The following PDSS2 variants were observed in gnomAD, a reference collection of about 807,000 sequenced individuals.
PDSS2 encodes all trans-polyprenyl-diphosphate synthase PDSS2.
Under a neutral mutation model 44.5 loss-of-function variants are expected in PDSS2, and 31 were observed. That is an observed-to-expected ratio of 0.70 (90% CI 0.52 to 0.94). PDSS2 has a LOEUF of 0.94. PDSS2 is among the 40% of genes least tolerant of loss of function. The pLI is 0.00. For synonymous variants in PDSS2, 157 were observed against 180.3 expected (o/e 0.87, Z 1.03); for missense variants, 452 against 482.2 (o/e 0.94, Z 0.59).
intron 7 of PDSS2, among the ~76,000 whole-genome samples, chr6:107,185,160 A>G (rs1772123776): frequency 6.6e-6 from 1 of 151,418 alleles, no homozygotes; most frequent in African/African-American, 2.4e-5. Flanking sequence ...GAAGAAGGAG[A>G]AGGAGAAGGA....
chr6:107,420,993 G>A (rs905004686), intron 1 of PDSS2, among the ~76,000 whole-genome samples: 5 of 152,034 alleles, frequency 3.3e-5, no homozygotes, highest in East Asian at 3.9e-4. Context: ...TCTAAACTCC[G>A]CAGTAAGGAA....
intron 2 of PDSS2, among the ~76,000 whole-genome samples, chr6:107,315,508 T>C (rs907101516): frequency 8.5e-5 from 13 of 152,212 alleles, no homozygotes; most frequent in Admixed American, 2.6e-4. Flanking sequence ...GTAGTGATTA[T>C]TCAAGGATCC....
At chr6:107,377,801 C>A (rs1562498739) in intron 1 of PDSS2, among the ~76,000 whole-genome samples, 1 of 151,896 alleles carries the variant, frequency 6.6e-6, no homozygotes, top group African/African-American at 2.4e-5. Context: ...AAACCAAACA[C>A]CGCATGTTCT....
intron 6 of PDSS2, among the ~76,000 whole-genome samples, chr6:107,207,896 C>CA (rs1773041395): frequency 6.6e-6 from 1 of 151,486 alleles, no homozygotes; most frequent in African/African-American, 2.4e-5. Context: ...AGGCATGAGC[C>CA]ACCATGTCCA....
intron 7 of PDSS2, among the ~76,000 whole-genome samples, chr6:107,177,634 T>C (rs1771839788): frequency 6.6e-6 from 1 of 152,240 alleles, no homozygotes; most frequent in South Asian, 2.1e-4. Context: ...TCAAAGTTAA[T>C]TTTTAATTTT....
rs143680679 is a variant in PDSS2 at position 107,212,177 on chromosome 6, C to T, written c.808G>A (p.Ala270Thr). The T allele has an allele frequency of 1.9e-6, 3 of 1,614,090 alleles. No individual in the cohort carries two copies. The highest frequency in any genetic ancestry group is 2.5e-6 in the Non-Finnish European group (3 of 1,179,950). The change falls in exon 5 of 8, where the codon GCA becomes ACA. Residue 270 changes from alanine to threonine, a missense_variant. By Grantham distance (58) the Ala-to-Thr change is moderately conservative. Coordinates refer to ENST00000369037, the MANE Select transcript of PDSS2 (RefSeq NM_020381.4). ...TTCTGAACCTCAGCATCATGCTTTG[C>T]TAATTCCATTGCAGCTTGGCAGCTC... Reference protein sequence around the residue: ...AKSCQAAMELAKHDAEVQNMA... With the variant: ...AKSCQAAMELTKHDAEVQNMA...
chr6:107,285,037 C>T (rs1396652842), intron 2 of PDSS2, among the ~76,000 whole-genome samples: 1 of 152,196 alleles, frequency 6.6e-6, no homozygotes, highest in Non-Finnish European at 1.5e-5. Flanking sequence ...AACTGCAAAG[C>T]TGGATTCAAG....
rs1436713297 is a variant in PDSS2, at chr6:107,439,010, T to A, written c.296+19980A>T. On this transcript the variant is annotated intron_variant, in intron 1 of 7. Transcript: ENST00000369037. ...AAGTGGAAGATGATCAAATTCCCTT[T>A]CCTTATGAAAATTATTGCATTTCTA... 3.9e-5 allele frequency among the ~76,000 whole-genome samples: 6 copies of A among 152,326 alleles called. No individual in the cohort carries two copies. The East Asian group carries it at 1.2e-3, about 29-fold the overall frequency.
chr6:107,335,825 G>T (rs1403815249), intron 1 of PDSS2, among the ~76,000 whole-genome samples: 1 of 151,920 alleles, frequency 6.6e-6, no homozygotes. Flanking sequence ...TACAAATATA[G>T]CTCTCGAATG....
At chr6:107,342,560 T>G (rs1156571113) in intron 1 of PDSS2, among the ~76,000 whole-genome samples, 2 of 152,104 alleles carry the variant, frequency 1.3e-5, no homozygotes, top group Non-Finnish European at 2.9e-5. Context: ...ATATTAATTA[T>G]ATATTTAATA....
At chr6:107,359,624 TA>T (rs371733995) in intron 1 of PDSS2, among the ~76,000 whole-genome samples, 18,744 of 126,878 alleles carry the variant, frequency 0.15, 1,302 homozygotes, top group East Asian at 0.26. Context: ...AGAATGTGTT[TA>T]AAAAAAAAAA....
intron 1 of PDSS2, among the ~76,000 whole-genome samples, chr6:107,335,874 GAATT>G (rs936268531): frequency 2.0e-5 from 3 of 152,050 alleles, no homozygotes; most frequent in African/African-American, 7.2e-5. Context: ...ATACTTGACT[GAATT>G]ATCAAGGCTT....
chr6:107,247,548 T>C (rs1007760412), intron 3 of PDSS2, among the ~76,000 whole-genome samples: 3 of 152,146 alleles, frequency 2.0e-5, no homozygotes, highest in African/African-American at 7.2e-5. Flanking sequence ...GGAAAAAGCT[T>C]TAGATTTCTT....
chr6:107,314,568 A>T (rs764401136), intron 2 of PDSS2, among the ~76,000 whole-genome samples: 3 of 152,184 alleles, frequency 2.0e-5, no homozygotes, highest in Admixed American at 6.5e-5. Context: ...TATCCAAAAT[A>T]ATCATGCTGC....
rs796967648 is a variant in PDSS2, at chr6:107,248,022, CA to C, written c.631-2404del. Among the ~76,000 whole-genome samples the C allele has an allele frequency of 3.5e-3, 472 of 134,038 alleles. 2 individuals are homozygous for C. Among genetic ancestry groups the C allele is most frequent in the African/African-American group, 0.01 (374 of 36,450 alleles). The allele number at this position is 134,038 out of a possible 152,430, so 87.9% of individuals were successfully genotyped here. ...GGGCGACAAGAGCGAAACTCCATCT[CA>C]AAAAAAAAAAGAAAGATGTGTTTAA... On this transcript the variant is annotated intron_variant, in intron 3 of 7. Coordinates refer to ENST00000369037, the MANE Select transcript of PDSS2 (RefSeq NM_020381.4).
At chr6:107,168,620 G>T (rs1413687684) in intron 7 of PDSS2, among the ~76,000 whole-genome samples, 1 of 151,630 alleles carries the variant, frequency 6.6e-6, no homozygotes, top group East Asian at 1.9e-4. Flanking sequence ...GGTACCGGTT[G>T]TTCCTTTCCA....
chr6:107,436,035 G>C (rs1188025434), intron 1 of PDSS2, among the ~76,000 whole-genome samples: 1 of 152,128 alleles, frequency 6.6e-6, no homozygotes, highest in Non-Finnish European at 1.5e-5. Flanking sequence ...CTAAAGATTT[G>C]TATTTAGAAC....
chr6:107,293,168 A>G (rs1776401226), intron 2 of PDSS2, among the ~76,000 whole-genome samples: 1 of 152,128 alleles, frequency 6.6e-6, no homozygotes, highest in Non-Finnish European at 1.5e-5. Context: ...CCCTGGACAT[A>G]TGGGAATCCC....
chr6:107,347,251 ATCTTCT>A (rs1251876603), intron 1 of PDSS2, among the ~76,000 whole-genome samples: 2 of 138,268 alleles, frequency 1.4e-5, no homozygotes, highest in Admixed American at 7.4e-5. Flanking sequence ...CTAAAATTAT[ATCTTCT>A]TTTTTTTTTT....
Sources: gnomAD v4.1 joint callset for allele counts (sites outside exome capture counted in the v4.1 genomes callset) on GRCh38, gnomAD v4.1.1 for gene constraint, MANE v1.5 for transcripts, NCBI Gene and HGNC (gene_info 2026-07-23, HGNC 2026-07-21) for gene names.